The following PTPRQ variants were observed in gnomAD, a reference collection of about 807,000 sequenced individuals.
PTPRQ encodes protein tyrosine phosphatase receptor type Q.
A neutral mutation model predicts 246.0 loss-of-function variants in PTPRQ; 199 were observed. The observed-to-expected ratio is 0.81, with a 90% CI of 0.72 to 0.91. PTPRQ has a LOEUF of 0.91. Among genes scored for constraint, PTPRQ ranks in the 40% least tolerant of loss-of-function variants. The pLI, the probability that PTPRQ is intolerant of heterozygous loss-of-function variation, is 0.00. For synonymous variants in PTPRQ, 869 were observed against 853.2 expected (o/e 1.02, Z -0.32); for missense variants, 2,624 against 2,528.4 (o/e 1.04, Z -0.81).
chr12:80,488,481 G>T (rs4436607), intron 9 of PTPRQ, among the ~76,000 whole-genome samples: 136,151 of 152,070 alleles, frequency 0.9, 61,509 homozygotes, highest in Non-Finnish European at 0.93. Context: ...CTCTTCACTA[G>T]CATTGCAGAA....
At chr12:80,642,493 G>C (rs1899901314) in intron 35 of PTPRQ, among the ~76,000 whole-genome samples, 1 of 152,198 alleles carries the variant, frequency 6.6e-6, no homozygotes, top group South Asian at 2.1e-4. Flanking sequence ...TGCTAATGTG[G>C]AAAGGCTTAG....
intron 17 of PTPRQ, among the ~76,000 whole-genome samples, chr12:80,533,184 T>C (rs1454569109): frequency 6.6e-6 from 1 of 152,094 alleles, no homozygotes; most frequent in Non-Finnish European, 1.5e-5. Context: ...TGCACATTTT[T>C]CAGCATCACT....
chr12:80,539,737 A>C, intron 19 of PTPRQ, 39 bp from the exon 20 acceptor site: 1 of 1,492,416 alleles, frequency 6.7e-7, no homozygotes, highest in South Asian at 1.4e-5. Context: ...TGCATACTAA[A>C]AAAATACATT....
chr12:80,456,764 G>A (rs573117699), intron 3 of PTPRQ, among the ~76,000 whole-genome samples: 1 of 152,262 alleles, frequency 6.6e-6, no homozygotes, highest in South Asian at 2.1e-4. Flanking sequence ...TACATTTGAT[G>A]TCTTCAGTGT....
chr12:80,611,956 C>A (rs1177153160), intron 28 of PTPRQ, among the ~76,000 whole-genome samples: 1 of 150,382 alleles, frequency 6.6e-6, no homozygotes, highest in Non-Finnish European at 1.5e-5. Context: ...ATCTGCTTCT[C>A]TCTCTTTTAT....
chr12:80,465,691 C>G (rs1274394136), intron 6 of PTPRQ, among the ~76,000 whole-genome samples: 1 of 152,074 alleles, frequency 6.6e-6, no homozygotes, highest in African/African-American at 2.4e-5. Flanking sequence ...GGATGCAAGG[C>G]TGGTTCAATA....
intron 6 of PTPRQ, among the ~76,000 whole-genome samples, chr12:80,466,812 A>T (rs1302979273): frequency 1.3e-5 from 2 of 152,180 alleles, no homozygotes; most frequent in African/African-American, 4.8e-5. Flanking sequence ...ATATGTAGAA[A>T]GCTGAAACTG....
At chr12:80,487,923 C>A (rs926859701) in intron 9 of PTPRQ, among the ~76,000 whole-genome samples, 2 of 152,082 alleles carry the variant, frequency 1.3e-5, no homozygotes, top group Admixed American at 6.6e-5. Context: ...TCTCATAAGG[C>A]TGCAAGTAAG....
At chr12:80,626,462 G>A (rs1448439680) in intron 33 of PTPRQ, among the ~76,000 whole-genome samples, 3 of 152,134 alleles carry the variant, frequency 2.0e-5, no homozygotes, top group Admixed American at 6.5e-5. Flanking sequence ...AAAGATACCT[G>A]TCATTGTTTA....
intron 39 of PTPRQ, among the ~76,000 whole-genome samples, chr12:80,662,226 A>C (rs551529194): frequency 6.6e-6 from 1 of 152,058 alleles, no homozygotes; most frequent in African/African-American, 2.4e-5. Flanking sequence ...TGCTATTCTA[A>C]AACTAATTGT....
rs1214020136 is a variant in PTPRQ at position 80,484,601 on chromosome 12, A to C, written c.1355A>C (p.Asn452Thr). 6.5e-7 allele frequency: 1 copy of C among 1,550,120 alleles called. No homozygotes were observed. Among genetic ancestry groups the C allele is most frequent in the African/African-American group, 1.4e-5 (1 of 73,056 alleles). Residue 452 changes from asparagine to threonine, a missense_variant, in exon 9 of 45, where the codon AAT (asparagine) becomes ACT (threonine). By Grantham distance (65) the Asn-to-Thr change is moderately conservative. Transcript: ENST00000644991. ...GAAAATACTTTGCTCACTGGAAATA[A>C]TGAGGTATTGCATTTTTATTTCACT... is the stretch of plus-strand genomic sequence containing the variant. The part of the protein sequence containing the change: ...ILENTLLTGN[N>T]EYINDPMAPE...
In PTPRQ at chr12:80,494,951, AT is replaced by A. The variant is rs2120650961; in HGVS notation, c.1560del (p.Tyr520Ter). On this transcript the variant is annotated frameshift_variant, in exon 11 of 45. Transcript: ENST00000644991. LOFTEE classifies it high-confidence loss of function. ...CAAACAGTAACTACAAGGAATCAGT[AT>A]ATTACTGACATTGCAGCTGAACAGC... ...TSPVVTTRNQ[Y>X]ITDIAAEQLS... The A allele has an allele frequency of 3.2e-6, 5 of 1,549,438 alleles. No homozygotes were observed. The highest frequency in any genetic ancestry group is 4.4e-6 in the Non-Finnish European group (5 of 1,145,708).
At chr12:80,670,204 G>C in intron 41 of PTPRQ, 140 bp from the exon 42 acceptor site, 1 of 1,237,088 alleles carries the variant, frequency 8.1e-7, no homozygotes, top group African/African-American at 1.5e-5. Flanking sequence ...CTCTCTTATA[G>C]GAAATAATGA....
At chr12:80,678,852 T>A (rs1901228209) in intron 44 of PTPRQ, 127 bp downstream of exon 44, 1 of 1,431,544 alleles carries the variant, frequency 7.0e-7, no homozygotes. Flanking sequence ...CAGGTTTTTT[T>A]TCTTTAACTT....
At chr12:80,628,176 A>G (rs1445258844) in intron 33 of PTPRQ, among the ~76,000 whole-genome samples, 2 of 152,094 alleles carry the variant, frequency 1.3e-5, no homozygotes, top group Non-Finnish European at 2.9e-5. Context: ...AAAATTCATA[A>G]ATCAAACCGT....
intron 3 of PTPRQ, among the ~76,000 whole-genome samples, chr12:80,450,309 C>A (rs1302363069): frequency 2.0e-5 from 3 of 152,170 alleles, no homozygotes; most frequent in African/African-American, 7.2e-5. Flanking sequence ...GATATACAAT[C>A]ATGTCATCTT....
At chr12:80,554,366 G>A (rs1896582275) in intron 25 of PTPRQ, among the ~76,000 whole-genome samples, 1 of 152,034 alleles carries the variant, frequency 6.6e-6, no homozygotes, top group Non-Finnish European at 1.5e-5. Flanking sequence ...AAAAACTTAA[G>A]ATTTAAAATT....
intron 6 of PTPRQ, among the ~76,000 whole-genome samples, chr12:80,467,867 G>C (rs905969902): frequency 2.0e-5 from 3 of 151,994 alleles, no homozygotes; most frequent in Non-Finnish European, 4.4e-5. Flanking sequence ...TGGGGTGGGG[G>C]CAGGGGGGAG....
At chr12:80,553,838 C>T (rs570317824) in intron 25 of PTPRQ, among the ~76,000 whole-genome samples, 14 of 152,170 alleles carry the variant, frequency 9.2e-5, no homozygotes, top group Non-Finnish European at 1.3e-4. Flanking sequence ...CATGTGCATG[C>T]GGTATTTAAT....
Sources: allele counts gnomAD v4.1 joint callset (sites outside exome capture counted in the v4.1 genomes callset), GRCh38; gene constraint gnomAD v4.1.1; transcripts MANE v1.5; gene names NCBI Gene and HGNC (gene_info 2026-07-23, HGNC 2026-07-21).